Variants in NCOA2 observed in about 807,000 individuals in gnomAD.
The protein encoded by NCOA2 is nuclear receptor coactivator 2.
NCOA2 carries 21 observed loss-of-function variants against 145.1 expected under a neutral mutation model. That is an observed-to-expected ratio of 0.14 (90% confidence interval 0.10 to 0.21). The LOEUF is 0.21. Ranked by LOEUF, NCOA2 falls within the 10% of genes least tolerant of loss-of-function variation. The pLI, the probability that NCOA2 is intolerant of heterozygous loss-of-function variation, is 1.00. For missense variants in NCOA2, 1,472 were observed against 1,837.6 expected (o/e 0.80, Z 3.64); for synonymous variants, 619 against 637.5 (o/e 0.97, Z 0.44).
chr8:70,355,503 T>C (rs1434248427), intron 1 of NCOA2, among the ~76,000 whole-genome samples: 1 of 152,178 alleles, frequency 6.6e-6, no homozygotes, highest in Non-Finnish European at 1.5e-5. Context: ...GTCCAATCCA[T>C]GGCCCAGGAT....
chr8:70,185,513 A>C (rs1393747680), intron 4 of NCOA2, among the ~76,000 whole-genome samples: 1 of 152,210 alleles, frequency 6.6e-6, no homozygotes, highest in African/African-American at 2.4e-5. Context: ...TCCAGGGAGC[A>C]AAACAAGAAA....
chr8:70,135,429 T>C (rs750538140), intron 15 of NCOA2, among the ~76,000 whole-genome samples: 4 of 152,188 alleles, frequency 2.6e-5, no homozygotes, highest in Non-Finnish European at 5.9e-5. Flanking sequence ...GCAGTAAGTT[T>C]CTAGTGGATG....
At chr8:70,370,794 T>C (rs947290968) in intron 1 of NCOA2, among the ~76,000 whole-genome samples, 8 of 152,118 alleles carry the variant, frequency 5.3e-5, no homozygotes, top group Non-Finnish European at 1.2e-4. Context: ...AGGCCACAAT[T>C]AGAAGAATGA....
chr8:70,218,204 T>TTG (rs1247799343), intron 2 of NCOA2, among the ~76,000 whole-genome samples: 5 of 150,698 alleles, frequency 3.3e-5, no homozygotes, highest in Admixed American at 1.3e-4. Flanking sequence ...AGTTAGTTTT[T>TTG]TTTTTTTTTT....
intron 1 of NCOA2, among the ~76,000 whole-genome samples, chr8:70,324,139 G>A (rs1806338214): frequency 1.3e-5 from 2 of 152,122 alleles, no homozygotes. Context: ...GTAAGCTGGT[G>A]ATTATTCTAC....
chr8:70,186,523 C>A (rs974096514), intron 4 of NCOA2, among the ~76,000 whole-genome samples: 2 of 152,180 alleles, frequency 1.3e-5, no homozygotes, highest in Non-Finnish European at 2.9e-5. Flanking sequence ...GCACTAAGAT[C>A]ATCAGGGCCC....
intron 1 of NCOA2, among the ~76,000 whole-genome samples, chr8:70,320,032 G>A (rs1422558833): frequency 2.0e-5 from 3 of 152,026 alleles, no homozygotes; most frequent in Non-Finnish European, 2.9e-5. Flanking sequence ...GAATAAATTA[G>A]GTGAATGTGA....
rs373646231 is a variant in NCOA2, at chr8:70,156,189, A to G, written c.2176T>C (p.Ser726Pro). The G allele has an allele frequency of 2.7e-5, 44 of 1,613,678 alleles. No individual in the cohort carries two copies. Among genetic ancestry groups the G allele is most frequent in the Non-Finnish European group, 3.6e-5 (43 of 1,179,870 alleles). Residue 726 changes from serine to proline, a missense_variant, in exon 11 of 23, where the codon TCA (serine) becomes CCA (proline). This residue lies in a region of NCOA2 where 953 missense variants were observed against 1,062.1 expected (regional missense o/e 0.90). Coordinates refer to ENST00000452400, the MANE Select transcript of NCOA2 (RefSeq NM_006540.4). ...SQESSSTAPG[S>P]EVTIKQEPVS... The stretch of plus-strand genomic sequence containing the variant: ...GGCTCTTGTTTAATAGTCACTTCTG[A>G]TCCAGGAGCTGTGCTGCTGGACTCC...
At chr8:70,324,340 T>A (rs1806366024) in intron 1 of NCOA2, among the ~76,000 whole-genome samples, 1 of 152,130 alleles carries the variant, frequency 6.6e-6, no homozygotes, top group Non-Finnish European at 1.5e-5. Context: ...CTTTGTTTTT[T>A]TTAGGTTTAT....
intron 1 of NCOA2, among the ~76,000 whole-genome samples, chr8:70,335,097 T>C (rs1459474664): frequency 2.6e-5 from 3 of 113,988 alleles, no homozygotes; most frequent in Admixed American, 1.4e-4. Flanking sequence ...CACTCCAGCC[T>C]GGGCAACAGC....
chr8:70,325,538 A>G (rs1248454354), intron 1 of NCOA2, among the ~76,000 whole-genome samples: 1 of 151,818 alleles, frequency 6.6e-6, no homozygotes, highest in Non-Finnish European at 1.5e-5. Flanking sequence ...GATCCTCCTA[A>G]GTAGCTGGGA....
chr8:70,122,153 A>G (rs1158044537), intron 21 of NCOA2, among the ~76,000 whole-genome samples: 1 of 152,334 alleles, frequency 6.6e-6, no homozygotes, highest in East Asian at 1.9e-4. Context: ...TCAGCAAGCA[A>G]ATTAGGAGTC....
the NCOA2 span, among the ~76,000 whole-genome samples, chr8:70,429,871 T>C: frequency 3.8e-3 from 585 of 152,308 alleles, 5 homozygotes; most frequent in Non-Finnish European, 6.4e-3. Context: ...GTGGGGTTTT[T>C]GTTTTGTTTT....
the NCOA2 span, among the ~76,000 whole-genome samples, chr8:70,411,990 T>C: frequency 2.6e-5 from 4 of 152,360 alleles, no homozygotes; most frequent in Non-Finnish European, 5.9e-5. Flanking sequence ...ATATTACACT[T>C]CAATTTTTTA....
At chr8:70,183,353 T>C (rs1316975588) in intron 4 of NCOA2, among the ~76,000 whole-genome samples, 2 of 152,172 alleles carry the variant, frequency 1.3e-5, no homozygotes, top group Non-Finnish European at 2.9e-5. Flanking sequence ...GAATGTCAAC[T>C]CAAAAGCAAG....
At chr8:70,224,624 A>AT (rs1214382741) in intron 2 of NCOA2, among the ~76,000 whole-genome samples, 3 of 151,950 alleles carry the variant, frequency 2.0e-5, no homozygotes, top group Non-Finnish European at 4.4e-5. Flanking sequence ...GATTTGTATG[A>AT]TTTTTTCCCA....
At chr8:70,134,645 G>T (rs1287864355) in intron 15 of NCOA2, among the ~76,000 whole-genome samples, 2 of 152,168 alleles carry the variant, frequency 1.3e-5, no homozygotes, top group Admixed American at 6.5e-5. Context: ...TCGTGCCTTT[G>T]TAAGACCACT....
In NCOA2 at chr8:70,189,559, G is replaced by C. The variant is rs539564310; in HGVS notation, c.260-14700C>G. Among the ~76,000 whole-genome samples the C allele has an allele frequency of 2.0e-5, 3 of 152,198 alleles. No individual in the cohort carries two copies. The East Asian group carries it at 5.8e-4, about 29-fold the overall frequency. Reference sequence around the variant, plus strand: ...TTCCCTCAAGTGGGCTGAACAGGCTGTACAGCAGCAACTTCAAGCACATGG... The same window carrying C: ...TTCCCTCAAGTGGGCTGAACAGGCTCTACAGCAGCAACTTCAAGCACATGG... On this transcript the variant is annotated intron_variant, in intron 4 of 22. Coordinates refer to ENST00000452400, the MANE Select transcript of NCOA2 (RefSeq NM_006540.4).
intron 2 of NCOA2, among the ~76,000 whole-genome samples, chr8:70,229,918 T>G (rs1820986827): frequency 6.6e-6 from 1 of 152,110 alleles, no homozygotes; most frequent in South Asian, 2.1e-4. Flanking sequence ...GACTAACACA[T>G]AGTGTTATCT....
Sources: allele counts gnomAD v4.1 joint callset (sites outside exome capture counted in the v4.1 genomes callset), GRCh38; gene constraint gnomAD v4.1.1; regional missense constraint gnomAD v4.1.1; transcripts MANE v1.5; gene names NCBI Gene and HGNC (gene_info 2026-07-23, HGNC 2026-07-21).